The following PRKCE variants were observed in gnomAD, a reference collection of about 807,000 sequenced individuals.
PRKCE encodes protein kinase C epsilon, also known as protein kinase C epsilon type.
In PRKCE, 16 loss-of-function variants were observed where a neutral mutation model predicts 85.4. That is an observed-to-expected ratio of 0.19 (90% confidence interval 0.13 to 0.28). PRKCE has a LOEUF of 0.28. PRKCE is among the 10% of genes least tolerant of loss of function. PRKCE has a pLI of 1.00. For synonymous variants in PRKCE, 388 were observed against 371.5 expected, an observed-to-expected ratio of 1.04 and a Z score of -0.51; for missense variants, 573 against 975.2, an observed-to-expected ratio of 0.59 and a Z score of 5.49.
intron 11 of PRKCE, among the ~76,000 whole-genome samples, chr2:46,132,252 T>G (rs1327325811): frequency 1.3e-5 from 2 of 152,266 alleles, no homozygotes; most frequent in African/African-American, 4.8e-5. Flanking sequence ...ATTTCCAGCC[T>G]TCTTCTCTTG....
chr2:46,186,163 A>G lies in PRKCE; in HGVS notation c.*1282A>G, dbSNP rs1384699241. ...GGATGTGACATTACCTCCTGTAGATATGCTAACAGTGTTATTCTTTCATTT... is the reference window on the plus strand; with the variant it reads ...GGATGTGACATTACCTCCTGTAGATGTGCTAACAGTGTTATTCTTTCATTT... On this transcript the variant is annotated 3_prime_UTR_variant, in exon 15 of 15. Coordinates refer to ENST00000306156, the MANE Select transcript of PRKCE (RefSeq NM_005400.3). 1 of 152,630 alleles carries G rather than the reference A, an allele frequency of 6.6e-6. No homozygotes were observed. The highest frequency in any genetic ancestry group is 6.5e-5 in the Admixed American group (1 of 15,282). 9.5% of individuals were successfully genotyped at this position (152,630 alleles called of 1,614,324 possible). A position where few individuals can be genotyped will look rare whatever the true frequency, so the allele number is the denominator to read the frequency against.
intron 2 of PRKCE, among the ~76,000 whole-genome samples, chr2:45,967,298 A>G (rs1215415289): frequency 1.3e-5 from 2 of 152,188 alleles, no homozygotes; most frequent in Non-Finnish European, 2.9e-5. Flanking sequence ...AAATTCAACA[A>G]TCACCATCTG....
intron 10 of PRKCE, among the ~76,000 whole-genome samples, chr2:46,039,794 C>T (rs1483492016): frequency 6.6e-6 from 1 of 152,180 alleles, no homozygotes; most frequent in Admixed American, 6.5e-5. Context: ...GACACAGGCT[C>T]AGCCTCTCAT....
At chr2:45,702,059 C>T (rs1447446445) in intron 1 of PRKCE, among the ~76,000 whole-genome samples, 3 of 152,084 alleles carry the variant, frequency 2.0e-5, no homozygotes, top group African/African-American at 4.8e-5. Flanking sequence ...CTTGGTGGCA[C>T]GTGTCTGTAA....
chr2:45,926,762 C>T (rs965233401), intron 2 of PRKCE, among the ~76,000 whole-genome samples: 2 of 152,182 alleles, frequency 1.3e-5, no homozygotes, highest in African/African-American at 2.4e-5. Flanking sequence ...GCACCAAAAA[C>T]GATTTCTGGA....
intron 2 of PRKCE, among the ~76,000 whole-genome samples, chr2:45,917,280 A>T (rs1162240277): frequency 6.6e-6 from 1 of 152,098 alleles, no homozygotes; most frequent in Non-Finnish European, 1.5e-5. Flanking sequence ...CTAGATACAG[A>T]GTGTCAATTG....
chr2:45,941,420 G>A (rs1400561965), intron 2 of PRKCE, among the ~76,000 whole-genome samples: 1 of 152,188 alleles, frequency 6.6e-6, no homozygotes. Context: ...GTGGCCTCCA[G>A]CCTTAAGAAA....
intron 11 of PRKCE, among the ~76,000 whole-genome samples, chr2:46,135,305 G>A (rs541782825): frequency 1.3e-5 from 2 of 152,346 alleles, no homozygotes; most frequent in South Asian, 2.1e-4. Flanking sequence ...GGGCGGGCGT[G>A]TGGACACGAT....
intron 10 of PRKCE, among the ~76,000 whole-genome samples, chr2:46,063,600 C>G (rs1667350692): frequency 6.6e-6 from 1 of 152,160 alleles, no homozygotes; most frequent in Non-Finnish European, 1.5e-5. Context: ...CTCTGTGAAG[C>G]AGCTCGAGTT....
At chr2:45,833,628 G>A (rs1330635881) in intron 1 of PRKCE, among the ~76,000 whole-genome samples, 1 of 152,226 alleles carries the variant, frequency 6.6e-6, no homozygotes, top group African/African-American at 2.4e-5. Flanking sequence ...GCAGAACTGG[G>A]ATTGGAACCC....
chr2:45,851,333 C>G (rs1692238536), intron 2 of PRKCE, among the ~76,000 whole-genome samples: 1 of 152,232 alleles, frequency 6.6e-6, no homozygotes, highest in Non-Finnish European at 1.5e-5. Context: ...GGCTGTTAGG[C>G]ACTTTCTGTA....
In PRKCE at chr2:45,931,304, T is replaced by C. The variant is rs145571057; in HGVS notation, c.413-45125T>C. 1.4e-4 allele frequency among the ~76,000 whole-genome samples: 22 copies of C among 152,346 alleles called. No individual in the cohort carries two copies. The East Asian group carries it at 4.0e-3, about 28-fold the overall frequency. On this transcript the variant is annotated intron_variant, in intron 2 of 14. Coordinates refer to ENST00000306156, the MANE Select transcript of PRKCE (RefSeq NM_005400.3). Reference sequence around the variant, plus strand: ...TTGTGCTCAATGCTGTGATTTATGCTAGAGAAACCATCCCAGAGTTCCTGC... The same window carrying C: ...TTGTGCTCAATGCTGTGATTTATGCCAGAGAAACCATCCCAGAGTTCCTGC...
intron 14 of PRKCE, among the ~76,000 whole-genome samples, chr2:46,170,720 AT>A (rs764956016): frequency 6.6e-6 from 1 of 152,224 alleles, no homozygotes; most frequent in African/African-American, 2.4e-5. Flanking sequence ...GAAACTTGAA[AT>A]TATTGTTGAA....
At chr2:45,714,567 T>G (rs568210848) in intron 1 of PRKCE, among the ~76,000 whole-genome samples, 91 of 152,356 alleles carry the variant, frequency 6.0e-4, no homozygotes, top group African/African-American at 1.9e-3. Flanking sequence ...GTGAGTGTCT[T>G]TCTGTCTTGC....
In PRKCE at chr2:46,004,324, A is replaced by G. The variant is rs1704980554; in HGVS notation, c.967-218A>G. 2.0e-6 allele frequency: 1 copy of G among 492,042 alleles called. No individual in the cohort carries two copies. Among genetic ancestry groups the G allele is most frequent in the East Asian group, 3.8e-5 (1 of 26,406 alleles). 30.5% of individuals were successfully genotyped at this position (492,042 alleles called of 1,614,324 possible). A position where few individuals can be genotyped will look rare whatever the true frequency, so the allele number is the denominator to read the frequency against. On this transcript the variant is annotated intron_variant, in intron 7 of 14. Coordinates refer to ENST00000306156, the MANE Select transcript of PRKCE (RefSeq NM_005400.3). The surrounding 1 kb of genome is among the most constrained non-coding windows in gnomAD (Gnocchi z 4.1). ...CTGTGAATGTAGGGAAGGTGCACTG[A>G]AATTCCTTTTGTGGTTCTTGCTCTG...
intron 10 of PRKCE, among the ~76,000 whole-genome samples, chr2:46,034,714 T>C (rs1011441919): frequency 1.3e-5 from 2 of 152,232 alleles, no homozygotes; most frequent in African/African-American, 4.8e-5. Context: ...GTCTGGGCTC[T>C]GCTGCCCAAC....
chr2:45,814,836 C>G (rs1274454973), intron 1 of PRKCE, among the ~76,000 whole-genome samples: 3 of 152,158 alleles, frequency 2.0e-5, no homozygotes, highest in Non-Finnish European at 4.4e-5. Flanking sequence ...AGCACCTTAG[C>G]CACAGGCTGC....
At chr2:45,916,758 C>T (rs144091539) in intron 2 of PRKCE, among the ~76,000 whole-genome samples, 53 of 152,218 alleles carry the variant, frequency 3.5e-4, no homozygotes, top group African/African-American at 1.2e-3. Flanking sequence ...CTACTGTGTC[C>T]GGAATTGGTG....
intron 1 of PRKCE, among the ~76,000 whole-genome samples, chr2:45,704,692 C>T (rs1413111892): frequency 2.0e-5 from 3 of 152,232 alleles, no homozygotes; most frequent in Non-Finnish European, 1.5e-5. Flanking sequence ...ATGCTGCTGG[C>T]ACATGCAGGT....
Sources: allele counts gnomAD v4.1 joint callset (sites outside exome capture counted in the v4.1 genomes callset), GRCh38; gene constraint gnomAD v4.1.1; non-coding constraint Gnocchi (gnomAD v3.1); transcripts MANE v1.5; gene names NCBI Gene and HGNC (gene_info 2026-07-23, HGNC 2026-07-21).